The following TCTN1 variants were observed in gnomAD, a reference collection of about 807,000 sequenced individuals.
The protein encoded by TCTN1 is tectonic family member 1, also known as tectonic-1.
A neutral mutation model predicts 65.8 loss-of-function variants in TCTN1; 58 were observed. The ratio of observed to expected loss-of-function variants is 0.88; its 90% CI spans 0.71 to 1.10. TCTN1 has a LOEUF of 1.10. Ranked by LOEUF, TCTN1 falls within the 50% of genes least tolerant of loss-of-function variation. The pLI, the probability that TCTN1 is intolerant of heterozygous loss-of-function variation, is 0.00. For missense variants in TCTN1, 645 were observed against 719.4 expected (o/e 0.90, Z 1.18); for synonymous variants, 273 against 289.1 (o/e 0.94, Z 0.57).
chr12:110,626,028 A>T, intron 2 of TCTN1: 1 of 242,002 alleles, frequency 4.1e-6, no homozygotes, highest in South Asian at 4.8e-5. Flanking sequence ...CTGGGATTAC[A>T]GGTGTGAGCC....
Position 110,642,368 on chromosome 12 carries a change from T to G in TCTN1, c.1310T>G (p.Met437Arg). The change falls in exon 11 of 15, where the codon ATG becomes AGG. Residue 437 changes from methionine (M) to arginine (R), a missense_variant. Transcript: ENST00000397659. Reference protein sequence around the residue: ...VRTPVLFGYTMQSGCKLRLTG... With the variant: ...VRTPVLFGYTRQSGCKLRLTG... The stretch of plus-strand genomic sequence containing the variant: ...ACCCCAGTATTATTTGGTTACACTA[T>G]GCAATCTGGCTGTAAACTAAGGTAA... 1 of 1,614,234 alleles carries G rather than the reference T, an allele frequency of 6.2e-7. No homozygotes were observed. The highest frequency in any genetic ancestry group is 8.5e-7 in the Non-Finnish European group (1 of 1,180,038).
At position 110,649,353 on chromosome 12, in the gene TCTN1, C is replaced by A; in HGVS notation, c.*312C>A. The stretch of plus-strand genomic sequence containing the variant: ...GCCCAGGAGGGGCAGCTGTTCCTCT[C>A]GTGACAGCACAGGCCCATGAGACAG... On this transcript the variant is annotated 3_prime_UTR_variant, in exon 15 of 15. Transcript: ENST00000397659. The A allele has an allele frequency of 2.1e-6, 3 of 1,418,652 alleles. No individual in the cohort carries two copies. The highest frequency in any genetic ancestry group is 3.0e-6 in the Non-Finnish European group (3 of 1,011,130). The allele number at this position is 1,418,652 out of a possible 1,614,324, so 87.9% of individuals were successfully genotyped here. A position where few individuals can be genotyped will look rare whatever the true frequency, so the allele number is the denominator to read the frequency against.
chr12:110,614,290 C>T lies in TCTN1; in HGVS notation c.108C>T (p.Asn36=). The T allele has an allele frequency of 1.3e-6, 2 of 1,598,230 alleles. No homozygotes were observed. Among genetic ancestry groups the T allele is most frequent in the Non-Finnish European group, 1.7e-6 (2 of 1,173,146 alleles). ...CGGCGGTGACGACAGAGGGCCTCAA[C>T]TCCACCGAGGCAGCCCTGGCCACCT... ...ATPAVTTEGL[N]STEAALATFG... Residue 36 remains asparagine, a synonymous_variant, in exon 1 of 15, where the codon AAC becomes AAT. Coordinates refer to ENST00000397659, the MANE Select transcript of TCTN1 (RefSeq NM_001082538.3).
rs2067199024 is a variant in TCTN1, at chr12:110,644,943, T to C, written c.1332-24T>C. 3 of 1,613,944 alleles carry C rather than the reference T, an allele frequency of 1.9e-6. No individual in the cohort carries two copies. Among genetic ancestry groups the C allele is most frequent in the African/African-American group, 1.3e-5 (1 of 74,902 alleles). On this transcript the variant is annotated intron_variant, in intron 11 of 14. Coordinates refer to ENST00000397659, the MANE Select transcript of TCTN1 (RefSeq NM_001082538.3). The surrounding 1 kb of genome is among the most constrained non-coding windows in gnomAD (Gnocchi z 4.6). ...GTGGATGAACAACAGCCTCATTCAGTTGACTTCTTTTTCCTTCACCAAGAC... is the reference window on the plus strand; with the variant it reads ...GTGGATGAACAACAGCCTCATTCAGCTGACTTCTTTTTCCTTCACCAAGAC...
Position 110,647,202 on chromosome 12 carries a change from G to GT in TCTN1, c.1505dup (p.Leu502PhefsTer19). ...GATTCTAATGGATTAACAGCATTTT[G>GT]TTTTGCAGGATTCCTGCCAGCTCCC... is the stretch of plus-strand genomic sequence containing the variant. On this transcript the variant is annotated frameshift_variant, in exon 13 of 15. Transcript: ENST00000397659. LOFTEE classifies it high-confidence loss of function. 1 of 1,614,180 alleles carries GT rather than the reference G, an allele frequency of 6.2e-7. No individual in the cohort carries two copies. The highest frequency in any genetic ancestry group is 1.1e-5 in the South Asian group (1 of 91,080).
rs1274694546 is a variant in TCTN1 at position 110,631,113 on chromosome 12, C to T, written c.625-1359C>T. ...TCCCAAGTAGCTGGGATTGCAGGCACCTGCCATCATGATCAGCTAATTTTT... is the reference window on the plus strand; with the variant it reads ...TCCCAAGTAGCTGGGATTGCAGGCATCTGCCATCATGATCAGCTAATTTTT... On this transcript the variant is annotated intron_variant, in intron 4 of 14. Transcript: ENST00000397659. Among the ~76,000 whole-genome samples the T allele has an allele frequency of 2.0e-5, 3 of 152,172 alleles. No homozygotes were observed. In the East Asian group the frequency reaches 5.8e-4, roughly 30 times the overall value.
intron 2 of TCTN1, among the ~76,000 whole-genome samples, chr12:110,625,265 G>C (rs1005636046): frequency 6.6e-6 from 1 of 152,054 alleles, no homozygotes; most frequent in Non-Finnish European, 1.5e-5. Flanking sequence ...TTTTCTGTTA[G>C]AGGAAAAAGT....
chr12:110,636,833 C>A (rs1403333456), intron 7 of TCTN1, among the ~76,000 whole-genome samples: 1 of 152,218 alleles, frequency 6.6e-6, no homozygotes, highest in Non-Finnish European at 1.5e-5. Context: ...AGAAAGCTGT[C>A]CAGCTCCCAG....
Position 110,641,628 on chromosome 12 carries a change from A to G in TCTN1, c.1190+1A>G, listed in dbSNP as rs749996854. ...CTGCTGGATTCCAGCCTCATAAGGG[A>G]TATCCTTTTTGGTTCTGTAGAGGGT... On this transcript the variant is annotated splice_donor_variant, in intron 10 of 14. Coordinates refer to ENST00000397659, the MANE Select transcript of TCTN1 (RefSeq NM_001082538.3). LOFTEE classifies it high-confidence loss of function. The G allele has an allele frequency of 6.2e-7, 1 of 1,613,836 alleles. No homozygotes were observed. Among genetic ancestry groups the G allele is most frequent in the South Asian group, 1.1e-5 (1 of 91,074 alleles).
At position 110,639,907 on chromosome 12, in the gene TCTN1, A is replaced by C. The variant is rs567867053; in HGVS notation, c.844-476A>C. Among the ~76,000 whole-genome samples, 24 of 152,186 alleles carry C rather than the reference A, an allele frequency of 1.6e-4. No individual in the cohort carries two copies. The highest frequency in any genetic ancestry group is 3.2e-4 in the Non-Finnish European group (22 of 68,018). On this transcript the variant is annotated intron_variant, in intron 7 of 14. Transcript: ENST00000397659. This position sits in a 1 kb window ranked among gnomAD's most constrained non-coding sequence, Gnocchi z 4.9. ...GTTTGCCTATTTGGACATTCCGTATAAATGGAATTAGAACTGTGGCCTTTT... is the reference window on the plus strand; with the variant it reads ...GTTTGCCTATTTGGACATTCCGTATCAATGGAATTAGAACTGTGGCCTTTT...
At chr12:110,625,448 A>G (rs1022182450) in intron 2 of TCTN1, among the ~76,000 whole-genome samples, 4 of 152,252 alleles carry the variant, frequency 2.6e-5, no homozygotes, top group Admixed American at 6.5e-5. Flanking sequence ...TCAACACAGA[A>G]TAAACTAAAT....
rs1019878888 is a variant in TCTN1 at position 110,645,287 on chromosome 12, T to C, written c.1494+158T>C. 1.1e-5 allele frequency: 10 copies of C among 903,788 alleles called. No homozygotes were observed. In the African/African-American group the frequency reaches 1.2e-4, roughly 10 times the overall value. 56.0% of individuals were successfully genotyped at this position (903,788 alleles called of 1,614,324 possible). A position where few individuals can be genotyped will look rare whatever the true frequency, so the allele number is the denominator to read the frequency against. On this transcript the variant is annotated intron_variant, in intron 12 of 14. Coordinates refer to ENST00000397659, the MANE Select transcript of TCTN1 (RefSeq NM_001082538.3). ...ACTGATTTTTGCCCCTTGTTAGCAA[T>C]GTTGCCTCTGGCCAGCAGTTTTATG...
At chr12:110,623,383 T>C (rs991214144) in intron 2 of TCTN1, among the ~76,000 whole-genome samples, 1 of 152,206 alleles carries the variant, frequency 6.6e-6, no homozygotes, top group Non-Finnish European at 1.5e-5. Flanking sequence ...AAAAACGGAA[T>C]GATAATATCC....
At chr12:110,624,908 C>T (rs2065726776) in intron 2 of TCTN1, among the ~76,000 whole-genome samples, 3 of 151,776 alleles carry the variant, frequency 2.0e-5, no homozygotes, top group Admixed American at 2.0e-4. Flanking sequence ...AAGCACTAAA[C>T]CTTCCAGACG....
chr12:110,642,259 A>C lies in TCTN1; in HGVS notation c.1201A>C (p.Ile401Leu), dbSNP rs936509151. The change falls in exon 11 of 15, where the codon ATT becomes CTT. Residue 401 changes from isoleucine (I) to leucine (L), a missense_variant. Ile to Leu is a conservative substitution (Grantham distance 5). Coordinates refer to ENST00000397659, the MANE Select transcript of TCTN1 (RefSeq NM_001082538.3). ...TAACTGTCTGTGAATGTCTGGGATT[A>C]TTCAGACCACAAATAGATATGGACA... Reference protein sequence around the residue: ...GFQPHKGSGIIQTTNRYGQLT... With the variant: ...GFQPHKGSGILQTTNRYGQLT... 2.5e-6 allele frequency: 4 copies of C among 1,614,216 alleles called. No homozygotes were observed. The highest frequency in any genetic ancestry group is 3.4e-6 in the Non-Finnish European group (4 of 1,180,046).
intron 3 of TCTN1, among the ~76,000 whole-genome samples, chr12:110,626,725 G>C (rs555963492): frequency 6.7e-6 from 1 of 148,786 alleles, no homozygotes; most frequent in Non-Finnish European, 1.5e-5. Context: ...GATTACAGGT[G>C]CCTGCCACCA....
intron 2 of TCTN1, among the ~76,000 whole-genome samples, chr12:110,621,625 A>G (rs1000163701): frequency 6.6e-6 from 1 of 151,880 alleles, no homozygotes; most frequent in Non-Finnish European, 1.5e-5. Flanking sequence ...GGCGTGTGCC[A>G]CCATGCCCAG....
intron 5 of TCTN1, among the ~76,000 whole-genome samples, chr12:110,633,640 G>GA (rs796803245): frequency 6.1e-4 from 77 of 126,784 alleles, no homozygotes; most frequent in East Asian, 1.5e-3. Context: ...CTGTCTCAAA[G>GA]AAAAAAAAAA....
intron 2 of TCTN1, among the ~76,000 whole-genome samples, chr12:110,622,207 C>T (rs1337552640): frequency 6.6e-6 from 1 of 152,106 alleles, no homozygotes; most frequent in African/African-American, 2.4e-5. Context: ...TAACTGATTT[C>T]CTAGTGTCCC....
Sources: allele counts gnomAD v4.1 joint callset (sites outside exome capture counted in the v4.1 genomes callset), GRCh38; gene constraint gnomAD v4.1.1; non-coding constraint Gnocchi (gnomAD v3.1); transcripts MANE v1.5; gene names NCBI Gene and HGNC (gene_info 2026-07-23, HGNC 2026-07-21).